The following FAT2 variants were observed in gnomAD, a reference collection of about 807,000 sequenced individuals.
FAT2 encodes the protein protocadherin Fat 2.
Under a neutral mutation model 295.3 loss-of-function variants are expected in FAT2, and 150 were observed. The ratio of observed to expected loss-of-function variants is 0.51; its 90% confidence interval spans 0.44 to 0.58. The LOEUF (loss-of-function observed/expected upper bound fraction) is 0.58. Ranked by LOEUF, FAT2 falls within the 20% of genes least tolerant of loss-of-function variation. The pLI, the probability that FAT2 is intolerant of heterozygous loss-of-function variation, is 0.00. For synonymous variants in FAT2, 2,026 were observed against 2,150.3 expected, an observed-to-expected ratio of 0.94 and a Z score of 1.60; for missense variants, 4,868 against 5,442.7, an observed-to-expected ratio of 0.89 and a Z score of 3.32.
chr5:151,570,484 A>G (rs983664013), intron 1 of FAT2, among the ~76,000 whole-genome samples: 2 of 152,270 alleles, frequency 1.3e-5, no homozygotes, highest in African/African-American at 4.8e-5. Flanking sequence ...TGAACTGATC[A>G]TGAATAAATG....
intron 1 of FAT2, among the ~76,000 whole-genome samples, chr5:151,571,107 C>T (rs1226501793): frequency 1.3e-5 from 2 of 152,072 alleles, no homozygotes; most frequent in African/African-American, 4.8e-5. Context: ...AAGTTAGTGG[C>T]AGAAAGAGCT....
chr5:151,549,217 G>T (rs377711863), intron 9 of FAT2, 78 bp downstream of exon 9: 8 of 1,388,840 alleles, frequency 5.8e-6, no homozygotes, highest in African/African-American at 5.7e-5. Context: ...ATTAATTTGC[G>T]AATTCATGCC....
At chr5:151,564,775 T>C (rs191862952) in intron 2 of FAT2, among the ~76,000 whole-genome samples, 144 of 152,348 alleles carry the variant, frequency 9.5e-4, no homozygotes, top group African/African-American at 3.3e-3. Flanking sequence ...AGAAACTTCA[T>C]TTTTAAGAAT....
chr5:151,590,698 A>G (rs1759363794), intron 1 of FAT2, among the ~76,000 whole-genome samples: 1 of 152,152 alleles, frequency 6.6e-6, no homozygotes, highest in Non-Finnish European at 1.5e-5. Context: ...TGTCTGTGAT[A>G]AGGTTCCTAT....
chr5:151,593,943 C>T (rs1057066804), upstream of FAT2, among the ~76,000 whole-genome samples: 1 of 152,086 alleles, frequency 6.6e-6, no homozygotes, highest in African/African-American at 2.4e-5. Flanking sequence ...GTGGAGGTTA[C>T]AGTGAGCCAA....
chr5:151,579,532 A>G (rs1758864909), intron 1 of FAT2, among the ~76,000 whole-genome samples: 1 of 152,214 alleles, frequency 6.6e-6, no homozygotes. Flanking sequence ...TGATCACACC[A>G]CTGCACTCCA....
intron 12 of FAT2, 33 bp from the exon 13 acceptor site, chr5:151,534,675 T>G: frequency 6.3e-7 from 1 of 1,576,910 alleles, no homozygotes; most frequent in South Asian, 1.1e-5. Context: ...TTGAGCTTTC[T>G]CTGGGGAAAT....
Position 151,565,717 on chromosome 5 carries a change from C to G in FAT2, c.3215G>C (p.Arg1072Pro), listed in dbSNP as rs139586444. 1 of 1,609,048 alleles carries G rather than the reference C, an allele frequency of 6.2e-7. No homozygotes were observed. Among genetic ancestry groups the G allele is most frequent in the Non-Finnish European group, 8.5e-7 (1 of 1,177,074 alleles). Residue 1072 changes from arginine to proline, a missense_variant, in exon 2 of 24, where the codon CGT becomes CCT. This residue lies in a region of FAT2 where 3,297 missense variants were observed against 3,669.4 expected (regional missense o/e 0.90). Transcript: ENST00000261800. ...GAAGGCTGCGAGTCCAGTGCCAGCA[C>G]GCAGGAAGTACTGGAGCTCCCCATC... ...GLDGELQYFL[R>P]AGTGLAAFSI... is the part of the protein sequence containing the mutation.
rs747887953 is a variant in FAT2, at chr5:151,553,368, C to T, written c.3965G>A (p.Gly1322Glu). The change falls in exon 6 of 24, where the codon GGG becomes GAG. Residue 1322 changes from glycine to glutamate, a missense_variant. By Grantham distance (98) the Gly-to-Glu change is moderately conservative (BLOSUM62 -2). Around this residue, in one of 5 missense-constraint regions of FAT2, gnomAD observed 3,297 missense variants for 3,669.4 expected, o/e 0.90. Coordinates refer to ENST00000261800, the MANE Select transcript of FAT2 (RefSeq NM_001447.3). Reference protein sequence around the residue: ...NILTIKATDSGQPPLSASVRL... With the variant: ...NILTIKATDSEQPPLSASVRL... ...GACACTGGCTGAGAGTGGTGGCTGC[C>T]CACTGTCTGTTGCCTTGATCTGAAA... The T allele has an allele frequency of 6.2e-7, 1 of 1,614,164 alleles. No individual in the cohort carries two copies. The highest frequency in any genetic ancestry group is 1.1e-5 in the South Asian group (1 of 91,072).
At chr5:151,542,159 T>A in intron 10 of FAT2, 126 bp downstream of exon 10, 3 of 836,508 alleles carry the variant, frequency 3.6e-6, no homozygotes, top group Non-Finnish European at 5.6e-6. Flanking sequence ...CCTAGGGGGT[T>A]AAGTGTGCCC....
intron 1 of FAT2, among the ~76,000 whole-genome samples, chr5:151,573,654 A>G (rs1561882713): frequency 6.6e-6 from 1 of 151,450 alleles, no homozygotes. Flanking sequence ...CTCCATCTCA[A>G]AATAAAACAA....
At position 151,566,080 on chromosome 5, in the gene FAT2, T is replaced by A; in HGVS notation, c.2852A>T (p.Asp951Val). Residue 951 changes from aspartate to valine, a missense_variant, in exon 2 of 24, where the codon GAT becomes GTT. By Grantham distance (152) the Asp-to-Val change is radical (BLOSUM62 -3). Coordinates refer to ENST00000261800, the MANE Select transcript of FAT2 (RefSeq NM_001447.3). ...TTCACCTGCGGGGCCCAGGTCAGGA[T>A]CAGAGGCATCCAGAAATGTCAAGAC... The part of the protein sequence containing the change: ...GTVLTFLDAS[D>V]PDLGPAGEVR... 6.2e-7 allele frequency: 1 copy of A among 1,614,066 alleles called. No individual in the cohort carries two copies. The highest frequency in any genetic ancestry group is 1.3e-5 in the African/African-American group (1 of 75,022).
Position 151,542,627 on chromosome 5 carries a change from A to G in FAT2, c.8500T>C (p.Tyr2834His). 6.2e-7 allele frequency: 1 copy of G among 1,614,220 alleles called. No individual in the cohort carries two copies. Among genetic ancestry groups the G allele is most frequent in the East Asian group, 2.2e-5 (1 of 44,888 alleles). ...KDTGRDGQVS[Y>H]RLSADPGSNV... ...CTACCAGGGTCTGCAGACAGCCTGT[A>G]GCTCACCTGGCCATCTCTCCCAGTG... The change falls in exon 10 of 24, where the codon TAC (tyrosine) becomes CAC (histidine). Residue 2834 changes from tyrosine to histidine, a missense_variant. By Grantham distance (83) the Tyr-to-His change is moderately conservative (BLOSUM62 2). Around this residue, in one of 5 missense-constraint regions of FAT2, gnomAD observed 3,297 missense variants for 3,669.4 expected, o/e 0.90. Coordinates refer to ENST00000261800, the MANE Select transcript of FAT2 (RefSeq NM_001447.3).
At position 151,521,702 on chromosome 5, in the gene FAT2, T is replaced by A. The variant is rs1448936379; in HGVS notation, c.10891A>T (p.Met3631Leu). Residue 3631 changes from methionine (M) to leucine (L), a missense_variant, in exon 19 of 24, where the codon ATG becomes TTG. Coordinates refer to ENST00000261800, the MANE Select transcript of FAT2 (RefSeq NM_001447.3). ...HVGQEALQQA[M>L]WMGFYQLTPE... is the part of the protein sequence containing the mutation. ...GTGAGCTGGTAGAAGCCCATCCACA[T>A]GGCCTGCTGCAGAGCCTCCTGCCCC... 4 of 1,613,956 alleles carry A rather than the reference T, an allele frequency of 2.5e-6. No homozygotes were observed. The highest frequency in any genetic ancestry group is 3.4e-6 in the Non-Finnish European group (4 of 1,179,992).
Position 151,550,879 on chromosome 5 carries a change from G to A in FAT2, c.4297-8C>T. On this transcript the variant is annotated splice_region_variant and splice_polypyrimidine_tract_variant and intron_variant, in intron 7 of 23. Transcript: ENST00000261800. ...AATCATGAAGATGTGGACCTAGGGA[G>A]GGAGATGAGGGAGAAGGTGCACTGC... The A allele has an allele frequency of 6.2e-7, 1 of 1,610,988 alleles. No individual in the cohort carries two copies. Among genetic ancestry groups the A allele is most frequent in the Non-Finnish European group, 8.5e-7 (1 of 1,179,006 alleles).
upstream of FAT2, among the ~76,000 whole-genome samples, chr5:151,594,638 C>T (rs184140309): frequency 5.6e-4 from 86 of 152,284 alleles, no homozygotes; most frequent in Non-Finnish European, 1.0e-3. Context: ...GTCCATTTCC[C>T]CTATTTGCCT....
In FAT2 at chr5:151,542,562, A is replaced by G. The variant is rs780571836; in HGVS notation, c.8565T>C (p.Gly2855=). The stretch of plus-strand genomic sequence containing the variant: ...CAAGTTCCTGGAGTGTGGTGATCCA[A>G]CCACTCTCACTGTCAATGGCAAAGA... ...HELFAIDSES[G]WITTLQELDC... Residue 2855 remains glycine (G), a synonymous_variant, in exon 10 of 24, where the codon GGT becomes GGC. Transcript: ENST00000261800. 2.5e-5 allele frequency: 40 copies of G among 1,614,182 alleles called. No homozygotes were observed. Among genetic ancestry groups the G allele is most frequent in the Non-Finnish European group, 3.4e-5 (40 of 1,180,020 alleles).
chr5:151,587,218 T>TCA (rs1759214369), intron 1 of FAT2, among the ~76,000 whole-genome samples: 1 of 152,088 alleles, frequency 6.6e-6, no homozygotes, highest in Non-Finnish European at 1.5e-5. Flanking sequence ...GTGATAGGGC[T>TCA]TCTTTGCACC....
chr5:151,512,935 C>T lies in FAT2; in HGVS notation c.11464-329G>A, dbSNP rs1761435493. On this transcript the variant is annotated intron_variant, in intron 20 of 23. Coordinates refer to ENST00000261800, the MANE Select transcript of FAT2 (RefSeq NM_001447.3). The surrounding 1 kb of genome is among the most constrained non-coding windows in gnomAD (Gnocchi z 4.1). Reference sequence around the variant, plus strand: ...TCACAGGCCTGTCCAGAGTTCCACACTTGTGAATATTGGCCTTCAGCGATT... The same window carrying T: ...TCACAGGCCTGTCCAGAGTTCCACATTTGTGAATATTGGCCTTCAGCGATT... Among the ~76,000 whole-genome samples the T allele has an allele frequency of 6.6e-6, 1 of 152,224 alleles. No individual in the cohort carries two copies.
Sources: allele counts gnomAD v4.1 joint callset (sites outside exome capture counted in the v4.1 genomes callset), GRCh38; gene constraint gnomAD v4.1.1; regional missense constraint gnomAD v4.1.1; non-coding constraint Gnocchi (gnomAD v3.1); transcripts MANE v1.5; gene names NCBI Gene and HGNC (gene_info 2026-07-23, HGNC 2026-07-21).